Variants in SHC2 observed in about 807,000 individuals in gnomAD.
SHC2 encodes SHC-transforming protein 2.
A neutral mutation model predicts 60.6 loss-of-function variants in SHC2; 62 were observed. That is an observed-to-expected ratio of 1.02 (90% CI 0.83 to 1.26). The LOEUF (loss-of-function observed/expected upper bound fraction) is 1.26, where lower values mean the gene tolerates loss of function less well. Ranked by LOEUF, SHC2 falls within the 50% of genes most tolerant of loss-of-function variation. The pLI is 0.00. For synonymous variants in SHC2, 375 were observed against 372.4 expected, an observed-to-expected ratio of 1.01 and a Z score of -0.08; for missense variants, 873 against 822.2, an observed-to-expected ratio of 1.06 and a Z score of -0.76.
chr19:421,322 C>T (rs937744089), intron 11 of SHC2, among the ~76,000 whole-genome samples: 4 of 149,454 alleles, frequency 2.7e-5, no homozygotes, highest in South Asian at 4.2e-4. Flanking sequence ...ATCGCTTGAA[C>T]GCGGGAGGCG....
Position 425,095 on chromosome 19 carries a change from A to G in SHC2, c.1309+2T>C. The G allele has an allele frequency of 1.4e-6, 2 of 1,394,692 alleles. No homozygotes were observed. The highest frequency in any genetic ancestry group is 2.8e-5 in the Admixed American group (1 of 36,140). 86.4% of individuals were successfully genotyped at this position (1,394,692 alleles called of 1,614,324 possible). On this transcript the variant is annotated splice_donor_variant, in intron 10 of 12. Transcript: ENST00000264554. LOFTEE classifies it high-confidence loss of function. The surrounding 1 kb of genome is among the most constrained non-coding windows in gnomAD (Gnocchi z 4.1). Reference sequence around the variant, plus strand: ...ACGGCCGCCCCCCAGGCTGCCACATACGCATGTCAAACAGATCCTTTTTGG... The same window carrying G: ...ACGGCCGCCCCCCAGGCTGCCACATGCGCATGTCAAACAGATCCTTTTTGG...
chr19:455,922 T>C (rs532928363), intron 1 of SHC2, among the ~76,000 whole-genome samples: 21 of 150,960 alleles, frequency 1.4e-4, no homozygotes, highest in Non-Finnish European at 2.9e-4. Flanking sequence ...AGGTCCCCTG[T>C]CGCCGTGTGA....
At position 430,763 on chromosome 19, in the gene SHC2, T is replaced by C. The variant is rs1212944526; in HGVS notation, c.1111-16A>G. The C allele has an allele frequency of 1.2e-6, 2 of 1,612,260 alleles. No individual in the cohort carries two copies. The highest frequency in any genetic ancestry group is 1.7e-6 in the Non-Finnish European group (2 of 1,179,388). ...GAGATGGGCCCTGGAAACAGAGCAG[T>C]GAGAGGTTCCCCGGTGTGTGCAAGC... On this transcript the variant is annotated splice_polypyrimidine_tract_variant and intron_variant, in intron 8 of 12. Transcript: ENST00000264554.
Position 425,073 on chromosome 19 carries a change from G to A in SHC2, c.1309+24C>T. ...GACAACACGGCCACACGCGATGACG[G>A]CCGCCCCCCAGGCTGCCACATACGC... On this transcript the variant is annotated intron_variant, in intron 10 of 12. Transcript: ENST00000264554. The surrounding 1 kb of genome is among the most constrained non-coding windows in gnomAD (Gnocchi z 4.1). 7.3e-7 allele frequency: 1 copy of A among 1,363,274 alleles called. No individual in the cohort carries two copies. The highest frequency in any genetic ancestry group is 2.1e-5 in the South Asian group (1 of 46,698). The allele number at this position is 1,363,274 out of a possible 1,614,324, so 84.4% of individuals were successfully genotyped here.
rs182525575 is a variant in SHC2 at position 424,733 on chromosome 19, G to T, written c.1309+364C>A. Among the ~76,000 whole-genome samples, 315 of 152,276 alleles carry T rather than the reference G, an allele frequency of 2.1e-3. No individual in the cohort carries two copies. Among genetic ancestry groups the T allele is most frequent in the Non-Finnish European group, 1.7e-3 (117 of 68,006 alleles). Reference sequence around the variant, plus strand: ...GAGTGGAGCTTCTCACAGAGCGGGGGCCAGCGGCATTCCCAACCAGACTGG... The same window carrying T: ...GAGTGGAGCTTCTCACAGAGCGGGGTCCAGCGGCATTCCCAACCAGACTGG... On this transcript the variant is annotated intron_variant, in intron 10 of 12. Coordinates refer to ENST00000264554, the MANE Select transcript of SHC2 (RefSeq NM_012435.3). This position sits in a 1 kb window ranked among gnomAD's most constrained non-coding sequence, Gnocchi z 4.5.
At position 418,982 on chromosome 19, in the gene SHC2, G is replaced by C; in HGVS notation, c.1695C>G (p.Ile565Met). ...IDHHLQNGQPIVAAESELHLR... is the reference protein window; with the variant it reads ...IDHHLQNGQPMVAAESELHLR... ...GGTGCAGCTCACTCTCGGCGGCCAC[G>C]ATGGGCTGCCCGTTCTGCAGGTGGT... Residue 565 changes from isoleucine to methionine, a missense_variant, in exon 12 of 13, where the codon ATC becomes ATG. By Grantham distance (10) the Ile-to-Met change is conservative. Transcript: ENST00000264554. The C allele has an allele frequency of 6.3e-7, 1 of 1,585,812 alleles. No homozygotes were observed. Among genetic ancestry groups the C allele is most frequent in the Non-Finnish European group, 8.6e-7 (1 of 1,166,640 alleles).
At position 460,588 on chromosome 19, in the gene SHC2, G is replaced by C; in HGVS notation, c.409C>G (p.His137Asp). The change falls in exon 1 of 13, where the codon CAC becomes GAC. Residue 137 changes from histidine to aspartate, a missense_variant. By Grantham distance (81) the His-to-Asp change is moderately conservative. Transcript: ENST00000264554. ...RKGSFIHKPA[H>D]GWLHPDARVL... is the part of the protein sequence containing the mutation. ...CTGGCGTCGGGGTGTAGCCAGCCGT[G>C]CGCGGGTTTGTGGATGAAGCTGCCC... 1 of 1,410,424 alleles carries C rather than the reference G, an allele frequency of 7.1e-7. No individual in the cohort carries two copies. The highest frequency in any genetic ancestry group is 9.3e-7 in the Non-Finnish European group (1 of 1,075,086). 87.4% of individuals were successfully genotyped at this position (1,410,424 alleles called of 1,614,324 possible). A position where few individuals can be genotyped will look rare whatever the true frequency, so the allele number is the denominator to read the frequency against.
chr19:422,607 C>G lies in SHC2; in HGVS notation c.1310-151G>C, dbSNP rs1438932613. The G allele has an allele frequency of 6.1e-6, 4 of 657,950 alleles. No homozygotes were observed. Among genetic ancestry groups the G allele is most frequent in the Non-Finnish European group, 7.7e-6 (3 of 390,774 alleles). 40.8% of individuals were successfully genotyped at this position (657,950 alleles called of 1,614,324 possible). ...GCGCCCACAGCGTATCAGACTCGCA[C>G]TCTGCCCAGCCCCGTGCGTGCGGTG... On this transcript the variant is annotated intron_variant, in intron 10 of 12. Coordinates refer to ENST00000264554, the MANE Select transcript of SHC2 (RefSeq NM_012435.3). This position sits in a 1 kb window ranked among gnomAD's most constrained non-coding sequence, Gnocchi z 5.0.
At chr19:437,674 C>G (rs954872818) in intron 4 of SHC2, among the ~76,000 whole-genome samples, 2 of 152,144 alleles carry the variant, frequency 1.3e-5, no homozygotes, top group Admixed American at 1.3e-4. Context: ...GTCACCCCCC[C>G]GCCAGCTCCA....
chr19:434,983 G>T, intron 7 of SHC2, 118 bp from the exon 8 acceptor site: 3 of 1,049,526 alleles, frequency 2.9e-6, no homozygotes, highest in Non-Finnish European at 4.1e-6. Context: ...CCCCCCACCT[G>T]TCACTGAGGG....
rs1477249486 is a variant in SHC2 at position 416,682 on chromosome 19, G to C, written c.*646C>G. ...GGCAGGACTGGGGGGAAGCTGCTGGGCGCAGCCCAGGCCAGGCAACCACGT... is the reference window on the plus strand; with the variant it reads ...GGCAGGACTGGGGGGAAGCTGCTGGCCGCAGCCCAGGCCAGGCAACCACGT... On this transcript the variant is annotated 3_prime_UTR_variant, in exon 13 of 13. Coordinates refer to ENST00000264554, the MANE Select transcript of SHC2 (RefSeq NM_012435.3). 1 of 152,244 alleles carries C rather than the reference G, an allele frequency of 6.6e-6. No homozygotes were observed. The highest frequency in any genetic ancestry group is 1.5e-5 in the Non-Finnish European group (1 of 68,086). The allele number at this position is 152,244 out of a possible 1,614,324, so 9.4% of individuals were successfully genotyped here.
In SHC2 at chr19:454,310, C is replaced by T. The variant is rs944392643; in HGVS notation, c.468+6219G>A. Reference sequence around the variant, plus strand: ...CTCATGAGACCCACGGCAAAGTCGGCGGGGGATTCTCAGGAAAAATGTCCC... The same window carrying T: ...CTCATGAGACCCACGGCAAAGTCGGTGGGGGATTCTCAGGAAAAATGTCCC... On this transcript the variant is annotated intron_variant, in intron 1 of 12. Transcript: ENST00000264554. Among the ~76,000 whole-genome samples the T allele has an allele frequency of 5.9e-5, 9 of 152,220 alleles. No homozygotes were observed. In the East Asian group the frequency reaches 1.6e-3, roughly 26 times the overall value.
chr19:437,235 C>T (rs777777069), intron 4 of SHC2, among the ~76,000 whole-genome samples: 1 of 151,878 alleles, frequency 6.6e-6, no homozygotes, highest in Non-Finnish European at 1.5e-5. Context: ...TGCTCGTTTG[C>T]GAGCTCATCT....
chr19:449,686 G>A (rs547699881), intron 1 of SHC2, among the ~76,000 whole-genome samples: 7 of 150,226 alleles, frequency 4.7e-5, no homozygotes, highest in East Asian at 2.0e-4. Flanking sequence ...GCTTGAACCC[G>A]GGAGGCGGAG....
chr19:422,861 C>T lies in SHC2; in HGVS notation c.1310-405G>A. On this transcript the variant is annotated intron_variant, in intron 10 of 12. Transcript: ENST00000264554. The surrounding 1 kb of genome is among the most constrained non-coding windows in gnomAD (Gnocchi z 5.0). Reference sequence around the variant, plus strand: ...GTGCCCTAAATACTCAAGACGACAGCCGGCACCCCTCTCTTGCCCCTAGCG... The same window carrying T: ...GTGCCCTAAATACTCAAGACGACAGTCGGCACCCCTCTCTTGCCCCTAGCG... 2 of 170,790 alleles carry T rather than the reference C, an allele frequency of 1.2e-5. No individual in the cohort carries two copies. Among genetic ancestry groups the T allele is most frequent in the Non-Finnish European group, 2.5e-5 (2 of 80,522 alleles). 10.6% of individuals were successfully genotyped at this position (170,790 alleles called of 1,614,324 possible). A position where few individuals can be genotyped will look rare whatever the true frequency, so the allele number is the denominator to read the frequency against.
At chr19:430,482 C>T (rs1974553730) in intron 9 of SHC2, among the ~76,000 whole-genome samples, 1 of 152,124 alleles carries the variant, frequency 6.6e-6, no homozygotes, top group African/African-American at 2.4e-5. Flanking sequence ...GTACTTATAC[C>T]CAACATGCAA....
Position 440,911 on chromosome 19 carries a change from G to T in SHC2, c.490C>A (p.Leu164Ile). 1 of 1,612,812 alleles carries T rather than the reference G, an allele frequency of 6.2e-7. No individual in the cohort carries two copies. Among genetic ancestry groups the T allele is most frequent in the Non-Finnish European group, 8.5e-7 (1 of 1,179,736 alleles). The stretch of plus-strand genomic sequence containing the variant: ...AAGTCCAGGGAGCGCATAGAGCGGA[G>T]AACCTCGATGCAGCCCATGTACTGA... Reference protein sequence around the residue: ...VVRYMGCIEVLRSMRSLDFNT... With the variant: ...VVRYMGCIEVIRSMRSLDFNT... Residue 164 changes from leucine to isoleucine, a missense_variant, in exon 2 of 13, where the codon CTC becomes ATC. By Grantham distance (5) the Leu-to-Ile change is conservative. Transcript: ENST00000264554. The surrounding 1 kb of genome is among the most constrained non-coding windows in gnomAD (Gnocchi z 7.0).
At chr19:418,850 G>A (rs1460814976) in intron 12 of SHC2, 73 bp downstream of exon 12, 6 of 1,498,608 alleles carry the variant, frequency 4.0e-6, no homozygotes, top group Non-Finnish European at 4.5e-6. Context: ...CGTGAACCGG[G>A]TCTCAATTTT....
At position 424,466 on chromosome 19, in the gene SHC2, G is replaced by A. The variant is rs780240186; in HGVS notation, c.1309+631C>T. On this transcript the variant is annotated intron_variant, in intron 10 of 12. Transcript: ENST00000264554. The surrounding 1 kb of genome is among the most constrained non-coding windows in gnomAD (Gnocchi z 4.5). ...CAGACTAGGGAGACCCAGAGTCAGC[G>A]TGCAAGACCAGCGGGCCAGGCAGTC... 1.3e-5 allele frequency among the ~76,000 whole-genome samples: 2 copies of A among 152,150 alleles called. No homozygotes were observed. Among genetic ancestry groups the A allele is most frequent in the African/African-American group, 2.4e-5 (1 of 41,438 alleles).
Sources: gnomAD v4.1 joint callset for allele counts (sites outside exome capture counted in the v4.1 genomes callset) on GRCh38, gnomAD v4.1.1 for gene constraint, Gnocchi (gnomAD v3.1) non-coding constraint, MANE v1.5 for transcripts, NCBI Gene and HGNC (gene_info 2026-07-23, HGNC 2026-07-21) for gene names.